NMNAT3: variants seen among roughly 807,000 people sequenced by gnomAD.
NMNAT3 encodes the protein nicotinamide/nicotinic acid mononucleotide adenylyltransferase 3.
A neutral mutation model predicts 24.8 loss-of-function variants in NMNAT3; 21 were observed. The observed-to-expected ratio is 0.85, with a 90% confidence interval of 0.60 to 1.22. NMNAT3 has a LOEUF of 1.22. Ranked by LOEUF, NMNAT3 falls within the 50% of genes most tolerant of loss-of-function variation. NMNAT3 has a pLI of 0.00. For missense variants in NMNAT3, 387 were observed against 436.6 expected, an observed-to-expected ratio of 0.89 and a Z score of 1.01; for synonymous variants, 136 against 155.2, an observed-to-expected ratio of 0.88 and a Z score of 0.92.
In NMNAT3 at chr3:139,594,235, A is replaced by C. The variant is rs2054336723; in HGVS notation, c.110-11027T>G. Among the ~76,000 whole-genome samples the C allele has an allele frequency of 3.3e-5, 5 of 152,246 alleles. No homozygotes were observed. In the South Asian group the frequency reaches 1.0e-3, roughly 32 times the overall value. On this transcript the variant is annotated intron_variant, in intron 3 of 6. Coordinates refer to ENST00000643695, the MANE Select transcript of NMNAT3 (RefSeq NM_001320510.2). ...AGAAGAAATGGATAAATTCCTCGAC[A>C]CATACACTCTCCCAAGACTAAACAA...
intron 1 of NMNAT3, among the ~76,000 whole-genome samples, chr3:139,663,348 C>T (rs191385537): frequency 8.5e-5 from 13 of 152,298 alleles, no homozygotes; most frequent in East Asian, 3.9e-4. Context: ...GTCAGATAAT[C>T]GGCAACTTTA....
At chr3:139,579,836 A>G (rs450523) in intron 4 of NMNAT3, among the ~76,000 whole-genome samples, 140,240 of 152,232 alleles carry the variant, frequency 0.92, 65,626 homozygotes, top group Non-Finnish European at 1. Context: ...ATAAATGAAC[A>G]TTGAATTTTA....
At chr3:139,674,953 C>T (rs910638941) in intron 1 of NMNAT3, among the ~76,000 whole-genome samples, 11 of 152,284 alleles carry the variant, frequency 7.2e-5, no homozygotes, top group Non-Finnish European at 1.2e-4. Flanking sequence ...TCTCATTTTA[C>T]AGATGCAAAA....
chr3:139,662,489 A>G (rs1462644495), intron 1 of NMNAT3, among the ~76,000 whole-genome samples: 1 of 152,192 alleles, frequency 6.6e-6, no homozygotes. Flanking sequence ...AGTAGCAGTA[A>G]TAATCTTTAA....
At chr3:139,568,972 A>G (rs921617403) in intron 6 of NMNAT3, 16 of 152,124 alleles carry the variant, frequency 1.1e-4, no homozygotes, top group Admixed American at 9.8e-4. Context: ...ATTGTGTGGG[A>G]GTCTAAGTCT....
chr3:139,603,303 A>T (rs1236801443), intron 3 of NMNAT3, among the ~76,000 whole-genome samples: 1 of 152,206 alleles, frequency 6.6e-6, no homozygotes, highest in Non-Finnish European at 1.5e-5. Context: ...CACTTTGTGA[A>T]ATACTCAGTC....
At chr3:139,646,500 A>G (rs868365988) in intron 1 of NMNAT3, among the ~76,000 whole-genome samples, 1 of 152,136 alleles carries the variant, frequency 6.6e-6, no homozygotes. Context: ...TCTCCCCACA[A>G]TCATTCCCCT....
At chr3:139,604,719 G>A (rs1475664711) in intron 3 of NMNAT3, among the ~76,000 whole-genome samples, 1 of 152,208 alleles carries the variant, frequency 6.6e-6, no homozygotes, top group African/African-American at 2.4e-5. Context: ...TGCAGTGTGT[G>A]TACATCAGTT....
intron 3 of NMNAT3, among the ~76,000 whole-genome samples, chr3:139,597,686 C>A (rs767723883): frequency 6.6e-6 from 1 of 152,210 alleles, no homozygotes; most frequent in South Asian, 2.1e-4. Context: ...GCCACAGCCT[C>A]ACAAAGGCCA....
chr3:139,650,016 C>A (rs1305591975), intron 1 of NMNAT3, among the ~76,000 whole-genome samples: 1 of 152,158 alleles, frequency 6.6e-6, no homozygotes, highest in Admixed American at 6.5e-5. Flanking sequence ...CAGGAGCCCA[C>A]TTGCCTTTTG....
At chr3:139,634,151 G>A (rs1205575614) in intron 2 of NMNAT3, among the ~76,000 whole-genome samples, 1 of 152,208 alleles carries the variant, frequency 6.6e-6, no homozygotes, top group Non-Finnish European at 1.5e-5. Flanking sequence ...TTTGTCACAG[G>A]CCGTCGCGGA....
intron 1 of NMNAT3, among the ~76,000 whole-genome samples, chr3:139,668,528 C>A (rs1006577935): frequency 6.6e-6 from 1 of 152,224 alleles, no homozygotes; most frequent in East Asian, 1.9e-4. Flanking sequence ...AAATAGAATA[C>A]CTACCATCTG....
At chr3:139,579,700 G>C (rs975325902) in intron 4 of NMNAT3, among the ~76,000 whole-genome samples, 22 of 152,186 alleles carry the variant, frequency 1.4e-4, no homozygotes, top group Non-Finnish European at 1.5e-5. Context: ...CATCTGGGGA[G>C]AGAGAAATTT....
chr3:139,582,873 TCAAAATAAG>T, intron 4 of NMNAT3: 1 of 1,180,018 alleles, frequency 8.5e-7, no homozygotes, highest in Non-Finnish European at 1.1e-6. Context: ...TGAAGTTTTT[TCAAAATAAG>T]TTGGAGGGAG....
intron 1 of NMNAT3, among the ~76,000 whole-genome samples, chr3:139,673,582 A>T (rs774054640): frequency 3.9e-5 from 6 of 152,036 alleles, no homozygotes; most frequent in Admixed American, 1.3e-4. Context: ...TCCCTTCCAC[A>T]TGCGGCCCTG....
intron 3 of NMNAT3, among the ~76,000 whole-genome samples, chr3:139,617,230 C>T (rs1445057119): frequency 2.0e-5 from 3 of 152,168 alleles, no homozygotes; most frequent in Non-Finnish European, 4.4e-5. Flanking sequence ...CTGTGGGATT[C>T]AGTTAGTGTT....
At chr3:139,564,616 A>G (rs1936898428) in intron 6 of NMNAT3, among the ~76,000 whole-genome samples, 1 of 152,264 alleles carries the variant, frequency 6.6e-6, no homozygotes, top group African/African-American at 2.4e-5. Context: ...CCTGCAAATC[A>G]TAGAAGTGAT....
At position 139,627,642 on chromosome 3, in the gene NMNAT3, A is replaced by G; in HGVS notation, c.83T>C (p.Val28Ala). The change falls in exon 3 of 7, where the codon GTG becomes GCG. Residue 28 changes from valine to alanine, a missense_variant. This residue lies in a region of NMNAT3 where 51 missense variants were observed against 55.6 expected (regional missense o/e 0.92). Coordinates refer to ENST00000643695, the MANE Select transcript of NMNAT3 (RefSeq NM_001320510.2). ...TGTTTGGTGTAGGTGATCTCTGGCC[A>G]CCTCAAACATGCGCAGGTGCATGTT... 6.3e-7 allele frequency: 1 copy of G among 1,593,254 alleles called. No individual in the cohort carries two copies. Among genetic ancestry groups the G allele is most frequent in the Non-Finnish European group, 8.5e-7 (1 of 1,176,766 alleles).
chr3:139,670,997 G>A (rs539017086), intron 1 of NMNAT3, among the ~76,000 whole-genome samples: 10 of 152,288 alleles, frequency 6.6e-5, no homozygotes, highest in African/African-American at 1.7e-4. Context: ...GCCAAACCTG[G>A]CTTTAACATT....
Sources: gnomAD v4.1 joint callset for allele counts (sites outside exome capture counted in the v4.1 genomes callset) on GRCh38, gnomAD v4.1.1 for gene constraint, gnomAD v4.1.1 regional missense constraint, MANE v1.5 for transcripts, NCBI Gene and HGNC (gene_info 2026-07-23, HGNC 2026-07-21) for gene names.